ASTN2: variants seen among roughly 807,000 people sequenced by gnomAD.
The protein encoded by ASTN2 is astrotactin 2.
ASTN2 carries 54 observed loss-of-function variants against 139.8 expected under a neutral mutation model. That is an observed-to-expected ratio of 0.39 (90% confidence interval 0.31 to 0.48). The LOEUF is 0.48. Among genes scored for constraint, ASTN2 ranks in the 20% least tolerant of loss-of-function variants. The pLI is 0.95. For synonymous variants in ASTN2, 756 were observed against 719.5 expected, an observed-to-expected ratio of 1.05 and a Z score of -0.81; for missense variants, 1,565 against 1,725.1, an observed-to-expected ratio of 0.91 and a Z score of 1.64.
chr9:117,036,744 G>C (rs954638344), intron 6 of ASTN2, among the ~76,000 whole-genome samples: 1 of 152,052 alleles, frequency 6.6e-6, no homozygotes, highest in African/African-American at 2.4e-5. Flanking sequence ...CATAATACAG[G>C]CTCTTTCCCC....
chr9:116,530,298 G>A (rs1209970864), intron 19 of ASTN2, among the ~76,000 whole-genome samples: 3 of 151,010 alleles, frequency 2.0e-5, no homozygotes, highest in Admixed American at 1.3e-4. Context: ...ATCTAAAATA[G>A]TCAAACTAAT....
At chr9:116,927,545 G>A (rs974376923) in intron 10 of ASTN2, among the ~76,000 whole-genome samples, 2 of 152,128 alleles carry the variant, frequency 1.3e-5, no homozygotes, top group African/African-American at 4.8e-5. Flanking sequence ...GCTTTGGATT[G>A]ATCAGCTCTA....
At chr9:116,764,083 A>T (rs1035560722) in intron 13 of ASTN2, among the ~76,000 whole-genome samples, 11 of 152,300 alleles carry the variant, frequency 7.2e-5, no homozygotes, top group African/African-American at 2.6e-4. Flanking sequence ...CACCTCATGG[A>T]TAAGAGAGCT....
chr9:117,123,202 C>T (rs183532723), intron 4 of ASTN2, among the ~76,000 whole-genome samples: 220 of 152,078 alleles, frequency 1.4e-3, no homozygotes, highest in African/African-American at 4.3e-3. Flanking sequence ...GCTGATGCTG[C>T]GTGTTCAGGA....
intron 5 of ASTN2, among the ~76,000 whole-genome samples, chr9:117,084,628 A>C (rs1028942054): frequency 6.6e-6 from 1 of 152,248 alleles, no homozygotes; most frequent in African/African-American, 2.4e-5. Flanking sequence ...CTGATACAAA[A>C]GTGACACTTA....
intron 7 of ASTN2, among the ~76,000 whole-genome samples, chr9:116,986,919 T>G (rs1351048297): frequency 6.6e-6 from 1 of 152,220 alleles, no homozygotes; most frequent in Non-Finnish European, 1.5e-5. Flanking sequence ...CCTTTTGCTT[T>G]GCTGGATCAG....
chr9:117,095,189 C>T (rs545524734), intron 5 of ASTN2, among the ~76,000 whole-genome samples: 1 of 152,286 alleles, frequency 6.6e-6, no homozygotes, highest in East Asian at 1.9e-4. Flanking sequence ...GGCATGGAAT[C>T]CATGTTTGTA....
At chr9:117,390,646 C>T (rs570192226) in intron 1 of ASTN2, among the ~76,000 whole-genome samples, 1 of 152,158 alleles carries the variant, frequency 6.6e-6, no homozygotes, top group Non-Finnish European at 1.5e-5. Flanking sequence ...GCTTTTAAGG[C>T]TCCTCCATGT....
At position 117,105,184 on chromosome 9, in the gene ASTN2, C is replaced by T. The variant is rs114309287; in HGVS notation, c.1169-9033G>A. On this transcript the variant is annotated intron_variant, in intron 4 of 22. Coordinates refer to ENST00000313400, the MANE Select transcript of ASTN2 (RefSeq NM_001365068.1). ...CCCAAATCTAGGCTGGCCTTAGGAACGTAACTCTAATCTACAGAATGCAGA... is the reference window on the plus strand; with the variant it reads ...CCCAAATCTAGGCTGGCCTTAGGAATGTAACTCTAATCTACAGAATGCAGA... 5.3e-3 allele frequency among the ~76,000 whole-genome samples: 801 copies of T among 152,202 alleles called. 11 individuals are homozygous for T. Among genetic ancestry groups the T allele is most frequent in the African/African-American group, 0.017 (721 of 41,526 alleles).
chr9:117,393,281 A>T (rs368035301), intron 1 of ASTN2, among the ~76,000 whole-genome samples: 12 of 152,322 alleles, frequency 7.9e-5, no homozygotes, highest in African/African-American at 2.4e-4. Flanking sequence ...GACAGGAAAG[A>T]CTTGTGCTCA....
chr9:116,951,337 CAAAAAAAAAAAA>C (rs386416039), intron 10 of ASTN2, among the ~76,000 whole-genome samples: 3 of 34,074 alleles, frequency 8.8e-5, no homozygotes, highest in East Asian at 1.2e-3. Context: ...AACTCTGTCT[CAAAAAAAAAAAA>C]AAAAAAAAAA....
chr9:116,609,341 C>T (rs10983266), intron 19 of ASTN2, among the ~76,000 whole-genome samples: 62,070 of 115,416 alleles, frequency 0.54, 15,184 homozygotes, highest in East Asian at 0.73. Context: ...TATATATATA[C>T]ACACACACAC....
intron 3 of ASTN2, among the ~76,000 whole-genome samples, chr9:117,147,590 A>G (rs1470393140): frequency 6.6e-6 from 1 of 152,134 alleles, no homozygotes; most frequent in South Asian, 2.1e-4. Flanking sequence ...TTCAGACATC[A>G]TCAGTCTGTG....
intron 1 of ASTN2, among the ~76,000 whole-genome samples, chr9:117,305,920 A>G (rs1177944456): frequency 1.3e-5 from 2 of 152,192 alleles, no homozygotes; most frequent in Admixed American, 1.3e-4. Context: ...TGTTGCTACT[A>G]CTATCTCCTC....
intron 1 of ASTN2, among the ~76,000 whole-genome samples, chr9:117,360,561 GGA>G (rs1829663874): frequency 6.6e-6 from 1 of 152,166 alleles, no homozygotes; most frequent in South Asian, 2.1e-4. Context: ...CTGGTCTAAT[GGA>G]GAGAGTATTG....
chr9:117,333,728 T>C (rs1828788812), intron 1 of ASTN2, among the ~76,000 whole-genome samples: 1 of 152,178 alleles, frequency 6.6e-6, no homozygotes, highest in African/African-American at 2.4e-5. Context: ...GGTTTCGAAC[T>C]CCTGACCTCA....
intron 1 of ASTN2, among the ~76,000 whole-genome samples, chr9:117,307,424 T>A (rs114053778): frequency 0.012 from 1,763 of 152,342 alleles, 32 homozygotes; most frequent in African/African-American, 0.04. Flanking sequence ...TATTTCTGTA[T>A]GTGTGCACAT....
intron 13 of ASTN2, among the ~76,000 whole-genome samples, chr9:116,749,415 T>A (rs1829339475): frequency 6.6e-6 from 1 of 151,352 alleles, no homozygotes; most frequent in South Asian, 2.1e-4. Flanking sequence ...GTCACTAATT[T>A]GGGGTTATTT....
At chr9:117,045,690 T>A (rs1165187129) in intron 5 of ASTN2, among the ~76,000 whole-genome samples, 1 of 152,150 alleles carries the variant, frequency 6.6e-6, no homozygotes, top group Non-Finnish European at 1.5e-5. Flanking sequence ...TGGAATTGAA[T>A]CAATCACATT....
Sources: gnomAD v4.1 joint callset for allele counts (sites outside exome capture counted in the v4.1 genomes callset) on GRCh38, gnomAD v4.1.1 for gene constraint, MANE v1.5 for transcripts, NCBI Gene and HGNC (gene_info 2026-07-23, HGNC 2026-07-21) for gene names.